RPS29: variants seen among roughly 807,000 people sequenced by gnomAD.
The protein encoded by RPS29 is small ribosomal subunit protein uS14.
For synonymous variants in RPS29, 37 were observed against 26.9 expected (o/e 1.37, Z -1.16); for missense variants, 60 against 75.7 (o/e 0.79, Z 0.77).
chr14:49,572,934 A>C (rs1232734894), exon 3 of RPS29: 2 of 152,038 alleles, frequency 1.3e-5, no homozygotes, highest in African/African-American at 4.8e-5. Flanking sequence ...CATGCTGGTG[A>C]TGCACGCCTG....
chr14:49,591,110 A>G (rs1260361830), upstream of RPS29, among the ~76,000 whole-genome samples: 1 of 152,220 alleles, frequency 6.6e-6, no homozygotes, highest in Non-Finnish European at 1.5e-5. Context: ...TGTACATATT[A>G]TATTTTAAAG....
exon 3 of RPS29, chr14:49,573,293 C>T (rs1369475233): frequency 6.6e-6 from 1 of 151,850 alleles, no homozygotes; most frequent in Non-Finnish European, 1.5e-5. Context: ...CATGACAAAA[C>T]CCCATCTCCA....
chr14:49,587,818 G>T (rs944598654), upstream of RPS29, among the ~76,000 whole-genome samples: 8 of 152,342 alleles, frequency 5.3e-5, no homozygotes, highest in African/African-American at 1.9e-4. Flanking sequence ...ACATTTGAGA[G>T]ACCTTTGAGG....
chr14:49,590,578 C>G (rs1432499932), upstream of RPS29, among the ~76,000 whole-genome samples: 2 of 152,194 alleles, frequency 1.3e-5, no homozygotes, highest in Non-Finnish European at 2.9e-5. Flanking sequence ...CTTTACAAAA[C>G]CTATTTTACC....
chr14:49,586,352 T>G lies in RPS29; in HGVS notation c.-6A>C. 8 of 1,613,754 alleles carry G rather than the reference T, an allele frequency of 5.0e-6. No individual in the cohort carries two copies. Among genetic ancestry groups the G allele is most frequent in the Non-Finnish European group, 6.8e-6 (8 of 1,179,626 alleles). ...TACAGCTGCTGGTGACCCATCTTGCTCTCAGCAGTGCAACGAGGTAAAAGG... is the reference window on the plus strand; with the variant it reads ...TACAGCTGCTGGTGACCCATCTTGCGCTCAGCAGTGCAACGAGGTAAAAGG... On this transcript the variant is annotated 5_prime_UTR_variant, in exon 1 of 3. Transcript: ENST00000245458.
chr14:49,573,700 T>C (rs1388140091), exon 3 of RPS29: 1 of 152,230 alleles, frequency 6.6e-6, no homozygotes, highest in Non-Finnish European at 1.5e-5. Flanking sequence ...TGGACCATCT[T>C]TATCTTTTGG....
At chr14:49,577,814 A>C in exon 3 of RPS29, 2 of 1,602,614 alleles carry the variant, frequency 1.2e-6, no homozygotes, top group Non-Finnish European at 1.7e-6. Flanking sequence ...GATGGGTGTC[A>C]CCTCCATAGG....
intron 1 of RPS29, among the ~76,000 whole-genome samples, chr14:49,594,265 G>T (rs1160229627): frequency 6.6e-6 from 1 of 151,702 alleles, no homozygotes; most frequent in Non-Finnish European, 1.5e-5. Flanking sequence ...GATCAGGTCT[G>T]AATTTTATCC....
chr14:49,579,826 A>T (rs571886728), downstream of RPS29, among the ~76,000 whole-genome samples: 4 of 152,350 alleles, frequency 2.6e-5, no homozygotes, highest in East Asian at 7.7e-4. Context: ...TGTGTTGTGA[A>T]TATTAAGAGC....
chr14:49,597,483 T>G (rs1405511308), intron 1 of RPS29: 1 of 152,240 alleles, frequency 6.6e-6, no homozygotes, highest in Non-Finnish European at 1.5e-5. Flanking sequence ...TATTATCTTT[T>G]CTACATTATT....
At chr14:49,592,446 C>A (rs933457075) in intron 1 of RPS29, 1 of 147,146 alleles carries the variant, frequency 6.8e-6, no homozygotes, top group African/African-American at 2.5e-5. Flanking sequence ...TGCCTCACCT[C>A]AACCTCTGTC....
chr14:49,598,666 G>A (rs1881899527), exon 1 of RPS29: 1 of 700,578 alleles, frequency 1.4e-6, no homozygotes, highest in Admixed American at 2.0e-5. Context: ...GTCAACAGCT[G>A]AAACCCTCGG....
exon 3 of RPS29, chr14:49,574,956 C>A (rs1271868473): frequency 6.6e-6 from 1 of 152,324 alleles, no homozygotes; most frequent in Non-Finnish European, 1.5e-5. Context: ...TTGAGGTCCA[C>A]ACCAGCCACT....
At chr14:49,598,139 C>A in intron 1 of RPS29, 1 of 435,812 alleles carries the variant, frequency 2.3e-6, no homozygotes, top group Non-Finnish European at 4.0e-6. Flanking sequence ...ATAACTCAGA[C>A]ACAATAAAAT....
At chr14:49,572,502 C>CT (rs1427916205) in exon 3 of RPS29, 1 of 152,162 alleles carries the variant, frequency 6.6e-6, no homozygotes, top group African/African-American at 2.4e-5. Flanking sequence ...CTCAAGTACC[C>CT]TGTAGTGTCA....
intron 1 of RPS29, chr14:49,597,628 AT>A (rs1259444672): frequency 6.6e-6 from 1 of 151,670 alleles, no homozygotes; most frequent in Non-Finnish European, 1.5e-5. Context: ...AGATGTACAT[AT>A]AAGAATACTA....
exon 3 of RPS29, chr14:49,576,409 T>C (rs1416251391): frequency 6.6e-6 from 1 of 152,156 alleles, no homozygotes; most frequent in Non-Finnish European, 1.5e-5. Flanking sequence ...GGCCTCTTTT[T>C]TTCAATTTTT....
At chr14:49,598,289 C>G (rs1594580815) in intron 1 of RPS29, 1 of 598,982 alleles carries the variant, frequency 1.7e-6, no homozygotes, top group East Asian at 2.8e-5. Context: ...CAGCCGGGCC[C>G]CGTCCTAGTT....
chr14:49,580,588 G>A (rs915478078), downstream of RPS29, among the ~76,000 whole-genome samples: 1 of 152,210 alleles, frequency 6.6e-6, no homozygotes, highest in Admixed American at 6.6e-5. Context: ...CAAAAAATTG[G>A]CGGCCAGGAG....
Sources: gnomAD v4.1 joint callset for allele counts (sites outside exome capture counted in the v4.1 genomes callset) on GRCh38, gnomAD v4.1.1 for gene constraint, MANE v1.5 for transcripts, NCBI Gene and HGNC (gene_info 2026-07-23, HGNC 2026-07-21) for gene names.